TRIM24: variants seen among roughly 807,000 people sequenced by gnomAD.
TRIM24 encodes the protein tripartite motif containing 24.
In TRIM24, 29 loss-of-function variants were observed where a neutral mutation model predicts 123.9. The ratio of observed to expected loss-of-function variants is 0.23; its 90% CI spans 0.17 to 0.32. TRIM24 has a LOEUF of 0.32. TRIM24 is among the 10% of genes least tolerant of loss of function. TRIM24 has a pLI of 1.00. For missense variants in TRIM24, 932 were observed against 1,295.3 expected (o/e 0.72, Z 4.31); for synonymous variants, 456 against 461.1 (o/e 0.99, Z 0.14).
chr7:138,463,043 G>GGTT (rs1368069679), intron 1 of TRIM24, among the ~76,000 whole-genome samples: 2 of 60,132 alleles, frequency 3.3e-5, no homozygotes, highest in Non-Finnish European at 5.7e-5. Context: ...CTAATTTTGT[G>GGTT]TTTTTTTTTT....
intron 6 of TRIM24, among the ~76,000 whole-genome samples, chr7:138,530,544 A>G (rs865948422): frequency 4.0e-4 from 61 of 152,106 alleles, no homozygotes; most frequent in Middle Eastern, 3.4e-3. Context: ...ACGGCTCACT[A>G]CAGCCTCCAC....
chr7:138,486,048 G>A (rs957773477), intron 1 of TRIM24, among the ~76,000 whole-genome samples: 1 of 152,156 alleles, frequency 6.6e-6, no homozygotes, highest in African/African-American at 2.4e-5. Context: ...GGTGTGAGAT[G>A]GTATCTCATT....
chr7:138,508,676 T>TGTGTGCGTGTGTGTGTGC (rs1276849782), intron 2 of TRIM24, among the ~76,000 whole-genome samples: 4 of 55,760 alleles, frequency 7.2e-5, no homozygotes. Context: ...TGTGTGTGTG[T>TGTGTGCGTGTGTGTGTGC]GTGTGTGTGT....
chr7:138,501,076 G>A (rs183725984), intron 1 of TRIM24, among the ~76,000 whole-genome samples: 2 of 152,162 alleles, frequency 1.3e-5, no homozygotes, highest in East Asian at 3.9e-4. Flanking sequence ...TATGAAGGGG[G>A]CCTAGAACAT....
At chr7:138,502,565 T>G in intron 1 of TRIM24, among the ~76,000 whole-genome samples, 1 of 152,184 alleles carries the variant, frequency 6.6e-6, no homozygotes, top group Non-Finnish European at 1.5e-5. Flanking sequence ...ACATGACATG[T>G]CATTAGTGGT....
intron 12 of TRIM24, among the ~76,000 whole-genome samples, chr7:138,574,135 G>A (rs1390370063): frequency 6.6e-6 from 1 of 152,174 alleles, no homozygotes; most frequent in Non-Finnish European, 1.5e-5. Context: ...GGGGAAATTG[G>A]TGTTATATTC....
At chr7:138,463,044 T>TTTTTG (rs1795044532) in intron 1 of TRIM24, among the ~76,000 whole-genome samples, 1 of 15,592 alleles carries the variant, frequency 6.4e-5, no homozygotes, top group African/African-American at 1.7e-4. Context: ...TAATTTTGTG[T>TTTTTG]TTTTTTTTTT....
intron 1 of TRIM24, chr7:138,491,087 C>A: frequency 3.8e-6 from 1 of 260,268 alleles, no homozygotes; most frequent in Admixed American, 4.6e-5. Flanking sequence ...TTAAGTCAGG[C>A]AATTTTTGCC....
intron 1 of TRIM24, 96 bp downstream of exon 1, chr7:138,461,008 C>A (rs893187204): frequency 2.7e-4 from 306 of 1,126,896 alleles, no homozygotes; most frequent in Middle Eastern, 1.2e-3. Context: ...GTCGCCGCCG[C>A]CCGGGGTGCG....
At chr7:138,551,012 G>A (rs764748372) in intron 7 of TRIM24, 51 bp from the exon 8 acceptor site, 10 of 1,445,990 alleles carry the variant, frequency 6.9e-6, no homozygotes, top group Admixed American at 3.4e-5. Context: ...TTTACTGGGC[G>A]CTTAATAAAT....
At chr7:138,531,682 G>A (rs1471644271) in intron 6 of TRIM24, among the ~76,000 whole-genome samples, 2 of 152,162 alleles carry the variant, frequency 1.3e-5, no homozygotes, top group African/African-American at 4.8e-5. Context: ...AAACATACGT[G>A]TGCATGTGTC....
chr7:138,487,913 G>A (rs1479975638), intron 1 of TRIM24, among the ~76,000 whole-genome samples: 1 of 152,182 alleles, frequency 6.6e-6, no homozygotes, highest in African/African-American at 2.4e-5. Flanking sequence ...AGTTTCAAAA[G>A]GAATGGTACC....
intron 2 of TRIM24, among the ~76,000 whole-genome samples, chr7:138,508,732 T>TGC (rs1382791040): frequency 2.0e-5 from 3 of 150,178 alleles, no homozygotes; most frequent in African/African-American, 4.9e-5. Context: ...TGTGTGTGTG[T>TGC]GTGTGTGTGT....
At chr7:138,494,465 G>A (rs1424152866) in intron 1 of TRIM24, among the ~76,000 whole-genome samples, 2 of 151,984 alleles carry the variant, frequency 1.3e-5, no homozygotes, top group Non-Finnish European at 2.9e-5. Flanking sequence ...CATGAATGGT[G>A]GCTCATGCCT....
At chr7:138,538,613 G>T (rs1297551901) in intron 6 of TRIM24, 44 bp from the exon 7 acceptor site, 1 of 1,604,614 alleles carries the variant, frequency 6.2e-7, no homozygotes, top group Non-Finnish European at 8.5e-7. Flanking sequence ...CAAAGTCTAT[G>T]TTACATGCTG....
chr7:138,572,874 G>A (rs1035590183), intron 11 of TRIM24, among the ~76,000 whole-genome samples: 1 of 152,182 alleles, frequency 6.6e-6, no homozygotes, highest in African/African-American at 2.4e-5. Context: ...GAAAAGAAGT[G>A]TTATTTGTAT....
At chr7:138,583,138 C>T (rs1797937065) in intron 17 of TRIM24, among the ~76,000 whole-genome samples, 1 of 152,226 alleles carries the variant, frequency 6.6e-6, no homozygotes, top group African/African-American at 2.4e-5. Flanking sequence ...AGGACCATGA[C>T]ACTGAGCAGC....
intron 11 of TRIM24, among the ~76,000 whole-genome samples, chr7:138,572,200 G>A (rs1315042893): frequency 1.3e-5 from 2 of 152,028 alleles, no homozygotes; most frequent in Non-Finnish European, 2.9e-5. Context: ...TAAATGAGTA[G>A]AATACATATA....
At chr7:138,500,282 A>T (rs1365625639) in intron 1 of TRIM24, among the ~76,000 whole-genome samples, 2 of 152,176 alleles carry the variant, frequency 1.3e-5, no homozygotes, top group Non-Finnish European at 2.9e-5. Flanking sequence ...ATAAGAGGCC[A>T]GGTATGATGG....
Sources: allele counts gnomAD v4.1 joint callset (sites outside exome capture counted in the v4.1 genomes callset), GRCh38; gene constraint gnomAD v4.1.1; transcripts MANE v1.5; gene names NCBI Gene and HGNC (gene_info 2026-07-23, HGNC 2026-07-21).